The following HSD17B2 variants were observed in gnomAD, a reference collection of about 807,000 sequenced individuals.
The protein encoded by HSD17B2 is 17-beta-hydroxysteroid dehydrogenase type 2.
In HSD17B2, 32 loss-of-function variants were observed where a neutral mutation model predicts 26.9. That is an observed-to-expected ratio of 1.19 (90% CI 0.90 to 1.60). The LOEUF is 1.60. Among genes scored for constraint, HSD17B2 ranks in the 40% most tolerant of loss-of-function variants. The probability of loss-of-function intolerance (pLI) is 0.00; values close to 1 mark genes in which losing one functional copy is unlikely to be tolerated. For synonymous variants in HSD17B2, 246 were observed against 186.7 expected (o/e 1.32, Z -2.59); for missense variants, 613 against 468.6 (o/e 1.31, Z -2.85).
At chr16:82,056,199 G>T (rs1341276020) in intron 1 of HSD17B2, among the ~76,000 whole-genome samples, 1 of 152,170 alleles carries the variant, frequency 6.6e-6, no homozygotes, top group Non-Finnish European at 1.5e-5. Flanking sequence ...CATTAGTAAG[G>T]CTGCCCTACT....
chr16:82,091,144 A>G, intron 4 of HSD17B2, 105 bp downstream of exon 4: 1 of 1,113,596 alleles, frequency 9.0e-7, no homozygotes, highest in Non-Finnish European at 1.4e-6. Context: ...GTTGTCAAAG[A>G]TGAGCACAGC....
rs186157043 is a variant in HSD17B2 at position 82,079,335 on chromosome 16, G to A, written c.664+8208G>A. Among the ~76,000 whole-genome samples, 5 of 152,294 alleles carry A rather than the reference G, an allele frequency of 3.3e-5. No homozygotes were observed. In the East Asian group the frequency reaches 9.6e-4, roughly 29 times the overall value. On this transcript the variant is annotated intron_variant, in intron 3 of 4. Coordinates refer to ENST00000199936, the MANE Select transcript of HSD17B2 (RefSeq NM_002153.3). ...GAGGCTGGAAGTCGAAGACCAAGGT[G>A]TCGGCAGGGTTGGTTTCTCCTGAGC...
intron 3 of HSD17B2, among the ~76,000 whole-genome samples, chr16:82,074,728 G>C (rs1436710446): frequency 1.3e-5 from 2 of 152,188 alleles, no homozygotes; most frequent in Non-Finnish European, 2.9e-5. Context: ...TAAACAGAGA[G>C]ATAGACCTCA....
chr16:82,096,557 C>T (rs867053764), intron 4 of HSD17B2: 1 of 151,980 alleles, frequency 6.6e-6, no homozygotes, highest in African/African-American at 2.4e-5. Context: ...GGCATTACTT[C>T]TATATCTTAA....
chr16:82,043,307 CCTT>C (rs899260277), intron 1 of HSD17B2, among the ~76,000 whole-genome samples: 31 of 152,150 alleles, frequency 2.0e-4, no homozygotes, highest in Non-Finnish European at 3.5e-4. Flanking sequence ...GGCCTGCCCT[CCTT>C]GTTTCAGGTC....
At chr16:82,061,792 T>G (rs1468421362) in intron 1 of HSD17B2, among the ~76,000 whole-genome samples, 1 of 152,206 alleles carries the variant, frequency 6.6e-6, no homozygotes, top group Non-Finnish European at 1.5e-5. Flanking sequence ...ACTGTGAGCT[T>G]TTATTTCTTG....
intron 2 of HSD17B2, among the ~76,000 whole-genome samples, chr16:82,068,589 T>C (rs1914628004): frequency 6.6e-6 from 1 of 152,144 alleles, no homozygotes; most frequent in African/African-American, 2.4e-5. Context: ...CACACAGAAC[T>C]TACAGAAACC....
At chr16:82,040,106 A>G (rs182890197) in intron 1 of HSD17B2, among the ~76,000 whole-genome samples, 13 of 152,374 alleles carry the variant, frequency 8.5e-5, no homozygotes, top group African/African-American at 3.1e-4. Flanking sequence ...GAAAATTTCA[A>G]AACTGGATAT....
At chr16:82,089,868 T>C (rs1256600701) in intron 3 of HSD17B2, among the ~76,000 whole-genome samples, 2 of 152,134 alleles carry the variant, frequency 1.3e-5, no homozygotes, top group African/African-American at 4.8e-5. Context: ...TTCCTAGAGA[T>C]CCTTGCCTCA....
intron 4 of HSD17B2, chr16:82,093,065 T>A (rs1279906340): frequency 6.6e-6 from 1 of 152,212 alleles, no homozygotes; most frequent in East Asian, 1.9e-4. Context: ...CTGATGTTGA[T>A]CTTAATTTTT....
intron 1 of HSD17B2, among the ~76,000 whole-genome samples, chr16:82,066,273 G>A (rs1456889734): frequency 6.6e-6 from 1 of 152,152 alleles, no homozygotes; most frequent in Non-Finnish European, 1.5e-5. Context: ...TGACATACAT[G>A]GAGACATAAG....
chr16:82,067,170 A>G (rs544547090), intron 1 of HSD17B2, among the ~76,000 whole-genome samples: 1 of 152,280 alleles, frequency 6.6e-6, no homozygotes, highest in African/African-American at 2.4e-5. Flanking sequence ...GATTCTCTGC[A>G]TGTACTCTGA....
chr16:82,083,811 T>C (rs1478965977), intron 3 of HSD17B2, among the ~76,000 whole-genome samples: 1 of 152,188 alleles, frequency 6.6e-6, no homozygotes, highest in Non-Finnish European at 1.5e-5. Context: ...AGGAGACTTT[T>C]CCCCATTGTA....
chr16:82,094,752 T>C (rs561979985), intron 4 of HSD17B2: 1 of 152,326 alleles, frequency 6.6e-6, no homozygotes, highest in East Asian at 1.9e-4. Context: ...ATTTTTCTGG[T>C]GCCCTGAAAT....
intron 1 of HSD17B2, among the ~76,000 whole-genome samples, chr16:82,042,841 G>A (rs1378945395): frequency 1.3e-5 from 2 of 151,898 alleles, no homozygotes; most frequent in Non-Finnish European, 2.9e-5. Context: ...GGCTGGTCTC[G>A]AACTCCTGAA....
At chr16:82,052,290 T>G (rs1199968051) in intron 1 of HSD17B2, 1 of 152,230 alleles carries the variant, frequency 6.6e-6, no homozygotes, top group Non-Finnish European at 1.5e-5. Flanking sequence ...TGGATCCTCT[T>G]ACCTCTTTTT....
chr16:82,050,014 A>G (rs531743141), intron 1 of HSD17B2, among the ~76,000 whole-genome samples: 2 of 152,350 alleles, frequency 1.3e-5, no homozygotes, highest in South Asian at 2.1e-4. Flanking sequence ...TACCTGATCT[A>G]AGGCATGTGC....
intron 4 of HSD17B2, chr16:82,097,825 C>G (rs1377505184): frequency 3.6e-6 from 1 of 278,148 alleles, no homozygotes; most frequent in African/African-American, 2.2e-5. Flanking sequence ...GTAATCCCAG[C>G]TACTCGGGAG....
chr16:82,045,288 C>A (rs1187142213), intron 1 of HSD17B2, among the ~76,000 whole-genome samples: 1 of 151,968 alleles, frequency 6.6e-6, no homozygotes, highest in African/African-American at 2.4e-5. Flanking sequence ...CCCCAGTGAG[C>A]CCCCCATCCA....
Sources: gnomAD v4.1 joint callset for allele counts (sites outside exome capture counted in the v4.1 genomes callset) on GRCh38, gnomAD v4.1.1 for gene constraint, MANE v1.5 for transcripts, NCBI Gene and HGNC (gene_info 2026-07-23, HGNC 2026-07-21) for gene names.